The following ELP4 variants were observed in gnomAD, a reference collection of about 807,000 sequenced individuals.
ELP4 encodes elongator acetyltransferase complex subunit 4, also known as elongator complex protein 4.
In ELP4, 51 loss-of-function variants were observed where a neutral mutation model predicts 48.9. The observed-to-expected ratio is 1.04, with a 90% CI of 0.83 to 1.32. The LOEUF is 1.32. ELP4 is among the 40% of genes most tolerant of loss of function. ELP4 has a pLI of 0.00. For missense variants in ELP4, 519 were observed against 514.6 expected (o/e 1.01, Z -0.08); for synonymous variants, 210 against 189.2 (o/e 1.11, Z -0.90).
intron 9 of ELP4, among the ~76,000 whole-genome samples, chr11:31,712,298 G>T (rs573239074): frequency 6.6e-6 from 1 of 152,158 alleles, no homozygotes; most frequent in Non-Finnish European, 1.5e-5. Flanking sequence ...TTAAGCATAT[G>T]TTATCTTTCC....
intron 3 of ELP4, among the ~76,000 whole-genome samples, chr11:31,580,115 G>T (rs919990880): frequency 6.6e-6 from 1 of 152,086 alleles, no homozygotes; most frequent in Non-Finnish European, 1.5e-5. Flanking sequence ...TTTCTTTCCT[G>T]TAGTGTTACA....
intron 9 of ELP4, among the ~76,000 whole-genome samples, chr11:31,718,274 A>G (rs1287708846): frequency 6.6e-6 from 1 of 152,230 alleles, no homozygotes; most frequent in African/African-American, 2.4e-5. Context: ...CTGAGGTGAT[A>G]TCTTGCAAGA....
intron 9 of ELP4, among the ~76,000 whole-genome samples, chr11:31,685,802 A>C (rs1252174789): frequency 6.6e-6 from 1 of 151,764 alleles, no homozygotes; most frequent in Non-Finnish European, 1.5e-5. Context: ...ATGGTGGCAC[A>C]CGCCTGTAGT....
At chr11:31,747,398 A>G (rs942802375) in intron 9 of ELP4, among the ~76,000 whole-genome samples, 2 of 152,074 alleles carry the variant, frequency 1.3e-5, no homozygotes, top group Non-Finnish European at 2.9e-5. Flanking sequence ...AGACTATAGA[A>G]CCATAAAGTG....
chr11:31,569,096 TAAAAA>T (rs1203133098), intron 3 of ELP4, among the ~76,000 whole-genome samples: 2 of 143,928 alleles, frequency 1.4e-5, no homozygotes, highest in Non-Finnish European at 3.1e-5. Context: ...AAAAAAAAAA[TAAAAA>T]AAAGGAAAGA....
intron 9 of ELP4, among the ~76,000 whole-genome samples, chr11:31,678,339 C>T (rs1348320381): frequency 6.6e-6 from 1 of 152,130 alleles, no homozygotes; most frequent in Non-Finnish European, 1.5e-5. Flanking sequence ...GTCCCAGCTA[C>T]TCAGGAGTCT....
chr11:31,603,322 A>T (rs1342145375), intron 4 of ELP4, among the ~76,000 whole-genome samples: 3 of 151,918 alleles, frequency 2.0e-5, no homozygotes, highest in Non-Finnish European at 2.9e-5. Context: ...TAATATATTT[A>T]AATAGCTAGT....
intron 9 of ELP4, among the ~76,000 whole-genome samples, chr11:31,724,781 T>A (rs977474423): frequency 3.9e-5 from 6 of 152,260 alleles, no homozygotes; most frequent in Non-Finnish European, 7.3e-5. Context: ...CTTTCAAGTG[T>A]GCTTTGTAAA....
intron 7 of ELP4, among the ~76,000 whole-genome samples, chr11:31,639,608 T>C (rs539280321): frequency 7.2e-5 from 11 of 151,978 alleles, no homozygotes; most frequent in Admixed American, 1.3e-4. Flanking sequence ...AAATTATCTA[T>C]AAAGTTCTGT....
At chr11:31,571,810 T>G (rs1957197728) in intron 3 of ELP4, among the ~76,000 whole-genome samples, 1 of 152,178 alleles carries the variant, frequency 6.6e-6, no homozygotes. Flanking sequence ...AAAGGATTGT[T>G]TTTTCTGAGC....
At chr11:31,510,957 C>G (rs1243300354) in intron 1 of ELP4, 2 of 152,332 alleles carry the variant, frequency 1.3e-5, no homozygotes, top group East Asian at 3.9e-4. Context: ...ATCTTGTACA[C>G]TTTCATAAAA....
chr11:31,553,423 A>G (rs532207550), intron 3 of ELP4, among the ~76,000 whole-genome samples: 5 of 152,256 alleles, frequency 3.3e-5, no homozygotes, highest in Non-Finnish European at 7.4e-5. Flanking sequence ...AATAAAACAA[A>G]AACGCTGACC....
Position 31,790,095 on chromosome 11 carries a change from TACAAAAAA to T in ELP4, c.*6573_*6580del. ...GACATGGAATACAAATTTATAGGTT[TACAAAAAA>T]AAAAAAAAAAAAAAAAACTAATACT... On this transcript the variant is annotated 3_prime_UTR_variant, in exon 10 of 10. Coordinates refer to ENST00000640961, the MANE Select transcript of ELP4 (RefSeq NM_019040.5). 1 of 61,322 alleles carries T rather than the reference TACAAAAAA, an allele frequency of 1.6e-5. No homozygotes were observed. Among genetic ancestry groups the T allele is most frequent in the Middle Eastern group, 3.4e-3 (1 of 290 alleles). The allele number at this position is 61,322 out of a possible 1,614,324, so 3.8% of individuals were successfully genotyped here. A position where few individuals can be genotyped will look rare whatever the true frequency, so the allele number is the denominator to read the frequency against.
chr11:31,645,056 A>G (rs575563231), intron 7 of ELP4, among the ~76,000 whole-genome samples: 1 of 151,924 alleles, frequency 6.6e-6, no homozygotes, highest in East Asian at 1.9e-4. Context: ...CAGTAAGATC[A>G]CTGTGAAACT....
rs141520541 is a variant in ELP4 at position 31,569,753 on chromosome 11, A to G, written c.382-25017A>G. ...AAAAAGGAAGACATACAAATGGCCA[A>G]CAAACATGAAAAAATGCTCATCATC... On this transcript the variant is annotated intron_variant, in intron 3 of 9. Transcript: ENST00000640961. Among the ~76,000 whole-genome samples the G allele has an allele frequency of 8.2e-4, 125 of 152,334 alleles. No homozygotes were observed. The Middle Eastern group carries it at 0.017, about 21-fold the overall frequency.
At chr11:31,657,486 C>G (rs1199017593) in intron 9 of ELP4, among the ~76,000 whole-genome samples, 3 of 151,976 alleles carry the variant, frequency 2.0e-5, no homozygotes, top group African/African-American at 7.2e-5. Flanking sequence ...TTATTTGCAG[C>G]TAAATCCTGA....
Position 31,557,693 on chromosome 11 carries a change from C to G in ELP4, c.381+17910C>G, listed in dbSNP as rs1036127330. Among the ~76,000 whole-genome samples the G allele has an allele frequency of 2.0e-5, 3 of 152,086 alleles. No individual in the cohort carries two copies. The South Asian group carries it at 6.2e-4, about 32-fold the overall frequency. ...AGTTAAAGTAATAACCCTTAATTGACCAAATATACCATTGAACATTTTTAC... is the reference window on the plus strand; with the variant it reads ...AGTTAAAGTAATAACCCTTAATTGAGCAAATATACCATTGAACATTTTTAC... On this transcript the variant is annotated intron_variant, in intron 3 of 9. Coordinates refer to ENST00000640961, the MANE Select transcript of ELP4 (RefSeq NM_019040.5).
intron 9 of ELP4, among the ~76,000 whole-genome samples, chr11:31,749,098 A>G (rs1487114191): frequency 6.6e-6 from 1 of 152,210 alleles, no homozygotes; most frequent in African/African-American, 2.4e-5. Flanking sequence ...GTACTGGGGA[A>G]AATAACTGAG....
chr11:31,775,418 A>G (rs923067540), intron 9 of ELP4, among the ~76,000 whole-genome samples: 1 of 152,168 alleles, frequency 6.6e-6, no homozygotes, highest in Non-Finnish European at 1.5e-5. Flanking sequence ...TCTGGGCCCC[A>G]TGTTATACAC....
Sources: allele counts gnomAD v4.1 joint callset (sites outside exome capture counted in the v4.1 genomes callset), GRCh38; gene constraint gnomAD v4.1.1; transcripts MANE v1.5; gene names NCBI Gene and HGNC (gene_info 2026-07-23, HGNC 2026-07-21).